Variants in NINL observed in about 807,000 individuals in gnomAD.
NINL encodes the protein ninein like.
Under a neutral mutation model 160.3 loss-of-function variants are expected in NINL, and 153 were observed. That is an observed-to-expected ratio of 0.95 (90% CI 0.84 to 1.09). The LOEUF (loss-of-function observed/expected upper bound fraction) is 1.09, where lower values mean the gene tolerates loss of function less well. NINL is among the 50% of genes least tolerant of loss of function. The pLI, the probability that NINL is intolerant of heterozygous loss-of-function variation, is 0.00. For missense variants in NINL, 1,829 were observed against 1,764.0 expected, an observed-to-expected ratio of 1.04 and a Z score of -0.66; for synonymous variants, 800 against 734.8, an observed-to-expected ratio of 1.09 and a Z score of -1.43.
intron 1 of NINL, among the ~76,000 whole-genome samples, chr20:25,558,730 G>C (rs951888367): frequency 1.3e-5 from 2 of 152,208 alleles, no homozygotes; most frequent in Non-Finnish European, 2.9e-5. Context: ...AGGGACAAGA[G>C]GTCCTTGTTC....
At chr20:25,567,279 C>G (rs1351241278) in intron 1 of NINL, among the ~76,000 whole-genome samples, 1 of 152,098 alleles carries the variant, frequency 6.6e-6, no homozygotes, top group Non-Finnish European at 1.5e-5. Context: ...GAATCTTCAA[C>G]AGCTATGAGA....
intron 15 of NINL, among the ~76,000 whole-genome samples, 161 bp from the exon 16 acceptor site, chr20:25,479,367 G>A (rs181685246): frequency 2.0e-5 from 3 of 152,356 alleles, no homozygotes; most frequent in East Asian, 3.9e-4. Flanking sequence ...TGACATGAAT[G>A]TTGGTGGTGC....
At chr20:25,490,009 C>T in intron 11 of NINL, 24 bp from the exon 12 acceptor site, 1 of 1,594,788 alleles carries the variant, frequency 6.3e-7, no homozygotes, top group Non-Finnish European at 8.6e-7. Flanking sequence ...GCCAGTGGCT[C>T]ATCAGGCTCC....
intron 1 of NINL, among the ~76,000 whole-genome samples, chr20:25,565,031 A>G (rs1330390770): frequency 6.6e-6 from 1 of 152,134 alleles, no homozygotes; most frequent in Non-Finnish European, 1.5e-5. Context: ...CTGAGGCCCA[A>G]TCTTTCAGGG....
At chr20:25,580,373 A>C (rs936071236) in intron 1 of NINL, among the ~76,000 whole-genome samples, 3 of 152,080 alleles carry the variant, frequency 2.0e-5, no homozygotes, top group African/African-American at 7.2e-5. Context: ...CTTATGAGAT[A>C]CAAAGTAACA....
intron 1 of NINL, among the ~76,000 whole-genome samples, chr20:25,534,582 T>C (rs1377175370): frequency 6.6e-6 from 1 of 152,198 alleles, no homozygotes. Flanking sequence ...TGTAACACAA[T>C]GGTAATCCAA....
At chr20:25,509,754 T>C (rs942655585) in intron 5 of NINL, 1 of 456,616 alleles carries the variant, frequency 2.2e-6, no homozygotes, top group Non-Finnish European at 4.4e-6. Flanking sequence ...TTTCACATTG[T>C]TTGCATAGGT....
intron 1 of NINL, among the ~76,000 whole-genome samples, chr20:25,565,360 G>A (rs2147150246): frequency 6.6e-6 from 1 of 151,546 alleles, no homozygotes; most frequent in Admixed American, 6.6e-5. Flanking sequence ...GGGGTGGGTG[G>A]GTCAGGGGAG....
Position 25,467,373 on chromosome 20 carries a change from G to A in NINL, c.3423+16C>T, listed in dbSNP as rs1464242689. On this transcript the variant is annotated intron_variant, in intron 19 of 23. Transcript: ENST00000278886. ...GAATGGTGGCATGAGCTCCATGCCA[G>A]GCGTCGATACGTCACCTGTCTGTTG... 8 of 1,600,362 alleles carry A rather than the reference G, an allele frequency of 5.0e-6. No homozygotes were observed. The South Asian group carries it at 7.7e-5, about 15-fold the overall frequency.
rs2090763682 is a variant in NINL at position 25,458,876 on chromosome 20, TCTC to T, written c.3697-350_3697-348del. The stretch of plus-strand genomic sequence containing the variant: ...CTTTTCAAACAACGACCACGCCAGT[TCTC>T]CTTTCAGCGGAGACCTCACTCTGCA... On this transcript the variant is annotated intron_variant, in intron 21 of 23. Transcript: ENST00000278886. The T allele has an allele frequency of 1.6e-5, 4 of 249,116 alleles. No homozygotes were observed. In the East Asian group the frequency reaches 4.1e-4, roughly 25 times the overall value. 15.4% of individuals were successfully genotyped at this position (249,116 alleles called of 1,614,324 possible).
chr20:25,577,449 A>T (rs2065127104), intron 1 of NINL, among the ~76,000 whole-genome samples: 1 of 152,220 alleles, frequency 6.6e-6, no homozygotes, highest in African/African-American at 2.4e-5. Context: ...ACTTGAGTAC[A>T]GGACAGGCAG....
At chr20:25,508,870 C>T (rs1281860241) in intron 5 of NINL, among the ~76,000 whole-genome samples, 1 of 152,250 alleles carries the variant, frequency 6.6e-6, no homozygotes, top group Non-Finnish European at 1.5e-5. Context: ...GCTCCCTACA[C>T]GTCCATCAAT....
intron 16 of NINL, 114 bp from the exon 17 acceptor site, chr20:25,477,203 T>G: frequency 2.0e-6 from 2 of 995,122 alleles, no homozygotes; most frequent in South Asian, 1.7e-5. Context: ...TGGTTGGCTT[T>G]CTTTATCCCT....
At chr20:25,513,274 A>G (rs1053484631) in intron 3 of NINL, among the ~76,000 whole-genome samples, 1 of 152,238 alleles carries the variant, frequency 6.6e-6, no homozygotes, top group African/African-American at 2.4e-5. Context: ...TTTTTCAAGC[A>G]TATTTTGCTT....
chr20:25,499,515 C>T (rs1023196625), intron 8 of NINL, among the ~76,000 whole-genome samples: 25 of 152,030 alleles, frequency 1.6e-4, no homozygotes, highest in African/African-American at 6.0e-4. Flanking sequence ...AGTCAGGTGT[C>T]GGGCATCTTG....
intron 1 of NINL, among the ~76,000 whole-genome samples, chr20:25,541,355 A>G (rs1019382591): frequency 1.3e-5 from 2 of 152,260 alleles, no homozygotes; most frequent in Non-Finnish European, 2.9e-5. Context: ...CAAGTACTGA[A>G]TAAATGTTAC....
At chr20:25,543,936 C>T (rs979171189) in intron 1 of NINL, among the ~76,000 whole-genome samples, 76 of 129,422 alleles carry the variant, frequency 5.9e-4, no homozygotes, top group African/African-American at 2.6e-3. Context: ...GGATTACAGG[C>T]GTGAGCCACC....
chr20:25,548,360 G>C (rs2064760690), intron 1 of NINL, among the ~76,000 whole-genome samples: 1 of 152,184 alleles, frequency 6.6e-6, no homozygotes, highest in African/African-American at 2.4e-5. Flanking sequence ...AGCTCCACAA[G>C]AGTCCTGAGG....
chr20:25,482,155 G>A (rs1028440991), intron 13 of NINL, 55 bp from the exon 14 acceptor site: 13 of 1,550,928 alleles, frequency 8.4e-6, no homozygotes, highest in East Asian at 4.6e-5. Flanking sequence ...TCAGCCCAGC[G>A]AGCTGGCCGA....
Sources: gnomAD v4.1 joint callset for allele counts (sites outside exome capture counted in the v4.1 genomes callset) on GRCh38, gnomAD v4.1.1 for gene constraint, MANE v1.5 for transcripts, NCBI Gene and HGNC (gene_info 2026-07-23, HGNC 2026-07-21) for gene names.